Variants in DYRK1A observed in about 807,000 individuals in gnomAD.
The protein encoded by DYRK1A is dual specificity tyrosine-phosphorylation-regulated kinase 1A.
Under a neutral mutation model 79.7 loss-of-function variants are expected in DYRK1A, and 9 were observed. That is an observed-to-expected ratio of 0.11 (90% CI 0.07 to 0.20). DYRK1A has a LOEUF of 0.20. Ranked by LOEUF, DYRK1A falls within the 10% of genes least tolerant of loss-of-function variation. DYRK1A has a pLI of 1.00. For synonymous variants in DYRK1A, 349 were observed against 329.7 expected (o/e 1.06, Z -0.63); for missense variants, 622 against 956.0 (o/e 0.65, Z 4.61).
rs1057521693 is a variant in DYRK1A, at chr21:37,472,669, C to G, written c.11-15C>G. The G allele has an allele frequency of 1.2e-5, 19 of 1,564,126 alleles. No individual in the cohort carries two copies. Among genetic ancestry groups the G allele is most frequent in the Non-Finnish European group, 1.6e-5 (18 of 1,147,984 alleles). ...ATATGAATATTTCCTTTAAACCTCA[C>G]TTATCTTCTTGTAGGAGGAGAGACT... On this transcript the variant is annotated splice_polypyrimidine_tract_variant and intron_variant, in intron 2 of 11. Transcript: ENST00000647188.
At chr21:37,374,372 A>T (rs1311722267) in intron 1 of DYRK1A, among the ~76,000 whole-genome samples, 1 of 149,880 alleles carries the variant, frequency 6.7e-6, no homozygotes, top group Non-Finnish European at 1.5e-5. Context: ...ATTCCTGTGG[A>T]TTTGAAAAAA....
At chr21:37,498,269 TGA>T (rs1393748875) in intron 9 of DYRK1A, among the ~76,000 whole-genome samples, 2 of 152,170 alleles carry the variant, frequency 1.3e-5, no homozygotes, top group Admixed American at 6.5e-5. Context: ...TTTTAAGTGT[TGA>T]GTTTGTTTTC....
In DYRK1A at chr21:37,430,828, C is replaced by T. The variant is rs568353688; in HGVS notation, c.10+10444C>T. Among the ~76,000 whole-genome samples, 7 of 152,262 alleles carry T rather than the reference C, an allele frequency of 4.6e-5. No homozygotes were observed. The East Asian group carries it at 1.3e-3, about 29-fold the overall frequency. ...CACTTGTGTTTGAGCGGCTGGGACT[C>T]AGTAGGTTCACTGGAGTAGGTATTT... is the stretch of plus-strand genomic sequence containing the variant. On this transcript the variant is annotated intron_variant, in intron 2 of 11. Transcript: ENST00000647188.
intron 2 of DYRK1A, among the ~76,000 whole-genome samples, chr21:37,431,703 A>G (rs2050780123): frequency 6.6e-6 from 1 of 152,228 alleles, no homozygotes; most frequent in African/African-American, 2.4e-5. Context: ...TTAAAAAGTT[A>G]GACCAGCTAT....
intron 1 of DYRK1A, among the ~76,000 whole-genome samples, chr21:37,406,299 T>C (rs2050144695): frequency 6.6e-6 from 1 of 152,216 alleles, no homozygotes; most frequent in Non-Finnish European, 1.5e-5. Flanking sequence ...TCCAGTTAAC[T>C]GAGGTTTATA....
chr21:37,408,411 TCA>T (rs2050186969), intron 1 of DYRK1A, among the ~76,000 whole-genome samples: 1 of 152,210 alleles, frequency 6.6e-6, no homozygotes, highest in Non-Finnish European at 1.5e-5. Context: ...TCAGCAGTAC[TCA>T]GTGTTTTGCC....
At chr21:37,492,508 G>T (rs1343122919) in intron 7 of DYRK1A, among the ~76,000 whole-genome samples, 1 of 152,162 alleles carries the variant, frequency 6.6e-6, no homozygotes. Context: ...TTATGTGGCA[G>T]TGTTTCTGGG....
chr21:37,401,527 G>T, intron 1 of DYRK1A, among the ~76,000 whole-genome samples: 1 of 147,014 alleles, frequency 6.8e-6, no homozygotes, highest in East Asian at 2.0e-4. Flanking sequence ...TTGTTGCCCA[G>T]GCTGGAGTGC....
At chr21:37,485,784 T>TC (rs2052840384) in intron 5 of DYRK1A, among the ~76,000 whole-genome samples, 1 of 152,200 alleles carries the variant, frequency 6.6e-6, no homozygotes, top group African/African-American at 2.4e-5. Context: ...GAGTCAGATT[T>TC]CAAGTGAGAG....
At chr21:37,405,361 C>T (rs16995063) in intron 1 of DYRK1A, among the ~76,000 whole-genome samples, 2 of 152,150 alleles carry the variant, frequency 1.3e-5, no homozygotes, top group Non-Finnish European at 2.9e-5. Flanking sequence ...TTTCCTAATT[C>T]TTGGCTTTAG....
rs558151461 is a variant in DYRK1A at position 37,367,194 on chromosome 21, C to T, written c.-511C>T. 1 of 151,646 alleles carries T rather than the reference C, an allele frequency of 6.6e-6. No homozygotes were observed. The highest frequency in any genetic ancestry group is 2.1e-4 in the South Asian group (1 of 4,808). 9.4% of individuals were successfully genotyped at this position (151,646 alleles called of 1,614,324 possible). A position where few individuals can be genotyped will look rare whatever the true frequency, so the allele number is the denominator to read the frequency against. ...GGGCGGGCGGTTCGGGCTCTCCTGG[C>T]GGAGGAGCCGCCGCCGCCGCCCGGG... is the stretch of plus-strand genomic sequence containing the variant. On this transcript the variant is annotated 5_prime_UTR_variant, in exon 1 of 12. Transcript: ENST00000647188.
Position 37,515,982 on chromosome 21 carries a change from G to A in DYRK1A, c.*3451G>A, listed in dbSNP as rs1315776327. 6.6e-6 allele frequency: 1 copy of A among 152,090 alleles called. No individual in the cohort carries two copies. The highest frequency in any genetic ancestry group is 1.5e-5 in the Non-Finnish European group (1 of 68,026). The allele number at this position is 152,090 out of a possible 1,614,324, so 9.4% of individuals were successfully genotyped here. ...TTGAACTTTTCTGTTCTTCCAATAG[G>A]GAGATACATAATCAAAATACACACG... On this transcript the variant is annotated 3_prime_UTR_variant, in exon 12 of 12. Coordinates refer to ENST00000647188, the MANE Select transcript of DYRK1A (RefSeq NM_001347721.2).
chr21:37,389,520 GT>G (rs904594933), intron 1 of DYRK1A, among the ~76,000 whole-genome samples: 2 of 151,878 alleles, frequency 1.3e-5, no homozygotes. Context: ...TGGAGGACTG[GT>G]TTTTTTTGTT....
intron 1 of DYRK1A, among the ~76,000 whole-genome samples, chr21:37,411,932 A>G (rs192402747): frequency 3.3e-5 from 5 of 152,306 alleles, no homozygotes; most frequent in Non-Finnish European, 5.9e-5. Context: ...ACATGAAGCA[A>G]TATTTTCATT....
chr21:37,465,069 A>G (rs1053218165), intron 2 of DYRK1A, among the ~76,000 whole-genome samples: 69 of 152,222 alleles, frequency 4.5e-4, no homozygotes, highest in African/African-American at 3.6e-4. Context: ...AAAGGAGACA[A>G]TGAGCATGTG....
chr21:37,459,620 A>G (rs144888940), intron 2 of DYRK1A, among the ~76,000 whole-genome samples: 1 of 152,208 alleles, frequency 6.6e-6, no homozygotes, highest in Admixed American at 6.5e-5. Flanking sequence ...ATGTTATTCT[A>G]ATACCCTGCT....
intron 8 of DYRK1A, among the ~76,000 whole-genome samples, chr21:37,495,753 CTGTACT>C (rs1197870782): frequency 6.6e-6 from 1 of 152,102 alleles, no homozygotes; most frequent in East Asian, 1.9e-4. Flanking sequence ...GAGTGCACCA[CTGTACT>C]CCAGCCTGGG....
At chr21:37,402,127 C>T (rs1179362279) in intron 1 of DYRK1A, among the ~76,000 whole-genome samples, 1 of 152,084 alleles carries the variant, frequency 6.6e-6, no homozygotes, top group African/African-American at 2.4e-5. Context: ...ATTATTTTTG[C>T]TTTAAGCTGT....
At chr21:37,451,361 C>G (rs1293859798) in intron 2 of DYRK1A, among the ~76,000 whole-genome samples, 1 of 117,598 alleles carries the variant, frequency 8.5e-6, no homozygotes, top group East Asian at 3.0e-4. Flanking sequence ...TCCCTCCATC[C>G]CTCCCTCCCT....
Sources: allele counts gnomAD v4.1 joint callset (sites outside exome capture counted in the v4.1 genomes callset), GRCh38; gene constraint gnomAD v4.1.1; transcripts MANE v1.5; gene names NCBI Gene and HGNC (gene_info 2026-07-23, HGNC 2026-07-21).